CTNND2: variants seen among roughly 807,000 people sequenced by gnomAD.
CTNND2 encodes the protein catenin delta 2.
A neutral mutation model predicts 144.4 loss-of-function variants in CTNND2; 22 were observed. That is an observed-to-expected ratio of 0.15 (90% CI 0.11 to 0.22). CTNND2 has a LOEUF of 0.22. Ranked by LOEUF, CTNND2 falls within the 10% of genes least tolerant of loss-of-function variation. The pLI is 1.00. For missense variants in CTNND2, 1,353 were observed against 1,618.8 expected (o/e 0.84, Z 2.82); for synonymous variants, 751 against 695.6 (o/e 1.08, Z -1.25).
chr5:11,200,758 C>A (rs1481168695), intron 10 of CTNND2, among the ~76,000 whole-genome samples: 1 of 152,056 alleles, frequency 6.6e-6, no homozygotes, highest in Non-Finnish European at 1.5e-5. Context: ...GGCTCACTGC[C>A]AGCTCCGCCT....
chr5:11,168,141 A>C (rs925833493), intron 11 of CTNND2, among the ~76,000 whole-genome samples: 18 of 152,200 alleles, frequency 1.2e-4, no homozygotes, highest in African/African-American at 4.1e-4. Context: ...ATGAAAATCA[A>C]AACTCAGATG....
rs58319114 is a variant in CTNND2, at chr5:11,187,771, C to A, written c.1975+11677G>T. Among the ~76,000 whole-genome samples the A allele has an allele frequency of 4.6e-3, 695 of 152,188 alleles. 7 individuals carry two copies. Among genetic ancestry groups the A allele is most frequent in the African/African-American group, 0.016 (674 of 41,526 alleles). ...AACACATTTATAAGAAAAAAACCAACCCCATTAAAAAGTGGGCAAAGTACA... is the reference window on the plus strand; with the variant it reads ...AACACATTTATAAGAAAAAAACCAAACCCATTAAAAAGTGGGCAAAGTACA... On this transcript the variant is annotated intron_variant, in intron 11 of 21. Coordinates refer to ENST00000304623, the MANE Select transcript of CTNND2 (RefSeq NM_001332.4).
Position 11,346,508 on chromosome 5 carries a change from T to C in CTNND2, c.1492A>G (p.Asn498Asp). 6.2e-7 allele frequency: 1 copy of C among 1,606,452 alleles called. No individual in the cohort carries two copies. Among genetic ancestry groups the C allele is most frequent in the Non-Finnish European group, 8.5e-7 (1 of 1,176,792 alleles). The change falls in exon 9 of 22, where the codon AAT becomes GAT. Residue 498 changes from asparagine to aspartate, a missense_variant. Physicochemically the swap from Asn to Asp is conservative, Grantham distance 23 (BLOSUM62 1). Around this residue, in one of 4 missense-constraint regions of CTNND2, gnomAD observed 708 missense variants for 706.4 expected, o/e 1.00. Transcript: ENST00000304623. The stretch of plus-strand genomic sequence containing the variant: ...AGCTGTCGGTAGGGGTCCGCGTAAT[T>C]GGAGGCTGGGCCGGCGGCATAGCTG... ...RASYAAGPAS[N>D]YADPYRQLQY... is the part of the protein sequence containing the mutation.
At chr5:11,740,546 A>G (rs1423507076) in intron 1 of CTNND2, among the ~76,000 whole-genome samples, 1 of 152,090 alleles carries the variant, frequency 6.6e-6, no homozygotes, top group African/African-American at 2.4e-5. Context: ...AATTCAAGAT[A>G]GATTAAAGAC....
intron 2 of CTNND2, among the ~76,000 whole-genome samples, chr5:11,644,965 C>T (rs895438092): frequency 1.3e-5 from 2 of 151,990 alleles, no homozygotes; most frequent in African/African-American, 2.4e-5. Context: ...TATACTTTCA[C>T]AGTATTTTTT....
intron 18 of CTNND2, among the ~76,000 whole-genome samples, chr5:11,007,805 T>G (rs1740643935): frequency 6.6e-6 from 1 of 152,240 alleles, no homozygotes; most frequent in Admixed American, 6.5e-5. Flanking sequence ...TTGGTGCTGT[T>G]GCACACATAG....
chr5:11,139,428 C>G (rs374353363), intron 12 of CTNND2, among the ~76,000 whole-genome samples: 195 of 152,304 alleles, frequency 1.3e-3, no homozygotes, highest in African/African-American at 4.2e-3. Context: ...TAGAACGGGA[C>G]CAGCTGATGA....
chr5:11,737,632 C>T (rs540742691), intron 1 of CTNND2, among the ~76,000 whole-genome samples: 10 of 152,268 alleles, frequency 6.6e-5, no homozygotes, highest in Middle Eastern at 3.4e-3. Flanking sequence ...AGCAGTGTTA[C>T]GGACAGAACT....
chr5:11,027,988 T>G (rs1043982707), intron 16 of CTNND2, among the ~76,000 whole-genome samples: 1 of 152,230 alleles, frequency 6.6e-6, no homozygotes, highest in Non-Finnish European at 1.5e-5. Context: ...ATACTACCAT[T>G]TGGTTTTCGC....
chr5:11,221,293 C>T (rs1739766141), intron 10 of CTNND2, among the ~76,000 whole-genome samples: 1 of 152,218 alleles, frequency 6.6e-6, no homozygotes, highest in South Asian at 2.1e-4. Flanking sequence ...CCAACTGGGG[C>T]ACCTGTTCAA....
At chr5:11,656,583 C>T (rs34734226) in intron 2 of CTNND2, among the ~76,000 whole-genome samples, 4,634 of 152,150 alleles carry the variant, frequency 0.03, 119 homozygotes, top group Non-Finnish European at 0.042. Flanking sequence ...CCCCACCACC[C>T]ACCAATTTCA....
rs1561254746 is a variant in CTNND2, at chr5:11,346,506, A to C, written c.1494T>G (p.Asn498Lys). 6.2e-7 allele frequency: 1 copy of C among 1,606,768 alleles called. No individual in the cohort carries two copies. Among genetic ancestry groups the C allele is most frequent in the Non-Finnish European group, 8.5e-7 (1 of 1,176,942 alleles). ...RASYAAGPAS[N>K]YADPYRQLQY... ...GCAGCTGTCGGTAGGGGTCCGCGTA[A>C]TTGGAGGCTGGGCCGGCGGCATAGC... Residue 498 changes from asparagine to lysine, a missense_variant, in exon 9 of 22, where the codon AAT becomes AAG. By Grantham distance (94) the Asn-to-Lys change is moderately conservative. Around this residue, in one of 4 missense-constraint regions of CTNND2, gnomAD observed 708 missense variants for 706.4 expected, o/e 1.00. Transcript: ENST00000304623.
rs1242112754 is a variant in CTNND2 at position 11,904,425 on chromosome 5, C to A, written c.-572G>T. Among the ~76,000 whole-genome samples the A allele has an allele frequency of 2.6e-5, 4 of 151,926 alleles. No homozygotes were observed. Among genetic ancestry groups the A allele is most frequent in the Admixed American group, 2.0e-4 (3 of 15,272 alleles). ...GCTAGTGAGGGAGCGTCCGCCCCGC[C>A]GCCGAAACCGGCCCCGGGTGCGGAG... is the stretch of plus-strand genomic sequence containing the variant. On this transcript the variant is annotated 5_prime_UTR_variant, in exon 1 of 22. Coordinates refer to ENST00000304623, the MANE Select transcript of CTNND2 (RefSeq NM_001332.4). This position sits in a 1 kb window ranked among gnomAD's most constrained non-coding sequence, Gnocchi z 4.2.
At chr5:11,558,055 G>A (rs1399109387) in intron 3 of CTNND2, among the ~76,000 whole-genome samples, 2 of 152,182 alleles carry the variant, frequency 1.3e-5, no homozygotes, top group African/African-American at 2.4e-5. Flanking sequence ...AGGGGGAGGT[G>A]ACTGAAATCC....
intron 2 of CTNND2, among the ~76,000 whole-genome samples, chr5:11,660,791 G>A (rs1266603513): frequency 6.6e-6 from 1 of 152,122 alleles, no homozygotes; most frequent in Non-Finnish European, 1.5e-5. Context: ...CCTTAAAAAT[G>A]TCTTAGTTCT....
At chr5:11,241,900 G>A (rs113304591) in intron 9 of CTNND2, among the ~76,000 whole-genome samples, 3,023 of 152,144 alleles carry the variant, frequency 0.02, 55 homozygotes, top group Middle Eastern at 0.061. Context: ...GGAGGGAACA[G>A]CACCTGCCAA....
intron 3 of CTNND2, among the ~76,000 whole-genome samples, chr5:11,471,081 C>G (rs1053456720): frequency 2.0e-5 from 3 of 150,060 alleles, no homozygotes; most frequent in Non-Finnish European, 1.5e-5. Flanking sequence ...AGGTTCAAAC[C>G]ATTCTCCTGC....
At chr5:11,609,438 A>T (rs1045989763) in intron 2 of CTNND2, among the ~76,000 whole-genome samples, 1 of 152,140 alleles carries the variant, frequency 6.6e-6, no homozygotes, top group Non-Finnish European at 1.5e-5. Flanking sequence ...TTTCTTTCCA[A>T]ATCAGTGACT....
At chr5:11,431,232 C>T (rs1472752121) in intron 3 of CTNND2, among the ~76,000 whole-genome samples, 1 of 152,140 alleles carries the variant, frequency 6.6e-6, no homozygotes, top group Non-Finnish European at 1.5e-5. Context: ...TCACATAACA[C>T]TCTTAGAGGT....
Sources: allele counts gnomAD v4.1 joint callset (sites outside exome capture counted in the v4.1 genomes callset), GRCh38; gene constraint gnomAD v4.1.1; regional missense constraint gnomAD v4.1.1; non-coding constraint Gnocchi (gnomAD v3.1); transcripts MANE v1.5; gene names NCBI Gene and HGNC (gene_info 2026-07-23, HGNC 2026-07-21).